Variants in MTMR12 observed in about 807,000 individuals in gnomAD.
MTMR12 encodes myotubularin related protein 12.
Under a neutral mutation model 96.7 loss-of-function variants are expected in MTMR12, and 33 were observed. The ratio of observed to expected loss-of-function variants is 0.34; its 90% CI spans 0.26 to 0.46. The LOEUF (loss-of-function observed/expected upper bound fraction) is 0.46. Among genes scored for constraint, MTMR12 ranks in the 20% least tolerant of loss-of-function variants. The pLI is 1.00. For synonymous variants in MTMR12, 298 were observed against 327.2 expected (o/e 0.91, Z 0.96); for missense variants, 721 against 896.1 (o/e 0.80, Z 2.49).
At chr5:32,297,394 T>C (rs1268844779) in intron 1 of MTMR12, among the ~76,000 whole-genome samples, 1 of 152,202 alleles carries the variant, frequency 6.6e-6, no homozygotes, top group Non-Finnish European at 1.5e-5. Flanking sequence ...AAGTAATACC[T>C]ACAAATGTTC....
chr5:32,267,161 A>C (rs1000128764), intron 6 of MTMR12, among the ~76,000 whole-genome samples: 3 of 151,716 alleles, frequency 2.0e-5, no homozygotes, highest in Non-Finnish European at 2.9e-5. Flanking sequence ...GGATCACCTG[A>C]GGTAAGGAGT....
chr5:32,242,047 T>G lies in MTMR12; in HGVS notation c.1171+10A>C. The G allele has an allele frequency of 1.2e-6, 2 of 1,602,922 alleles. No homozygotes were observed. The highest frequency in any genetic ancestry group is 1.7e-6 in the Non-Finnish European group (2 of 1,170,994). On this transcript the variant is annotated intron_variant, in intron 12 of 15. Coordinates refer to ENST00000382142, the MANE Select transcript of MTMR12 (RefSeq NM_001040446.3). The stretch of plus-strand genomic sequence containing the variant: ...AATGGAAATCATCCTTTGTGCTTCC[T>G]ATATATTACCTAAAAGAAGAACATT...
chr5:32,251,049 CCT>C (rs1478706464), intron 8 of MTMR12, among the ~76,000 whole-genome samples: 2 of 149,716 alleles, frequency 1.3e-5, no homozygotes. Flanking sequence ...TTTTAAGGTC[CCT>C]CTCTTTTTTT....
At chr5:32,303,931 T>C (rs959749843) in intron 1 of MTMR12, among the ~76,000 whole-genome samples, 1 of 151,056 alleles carries the variant, frequency 6.6e-6, no homozygotes, top group Non-Finnish European at 1.5e-5. Flanking sequence ...GGGTATTTAC[T>C]GGAAAAACTT....
intron 8 of MTMR12, among the ~76,000 whole-genome samples, chr5:32,253,539 G>T (rs986923475): frequency 6.6e-6 from 1 of 152,070 alleles, no homozygotes; most frequent in Non-Finnish European, 1.5e-5. Context: ...CTTTTTTGCT[G>T]TTCATTCACA....
chr5:32,248,746 G>A (rs763928187), intron 9 of MTMR12, 26 bp downstream of exon 9: 66 of 1,573,118 alleles, frequency 4.2e-5, no homozygotes, highest in Middle Eastern at 3.3e-4. Context: ...AACTGAACAA[G>A]AACAAAATGT....
chr5:32,247,703 C>T (rs1748746167), intron 10 of MTMR12: 2 of 967,912 alleles, frequency 2.1e-6, no homozygotes, highest in Non-Finnish European at 2.5e-6. Context: ...AGTTCAAAAA[C>T]TTTTAAAGGA....
chr5:32,238,810 T>C (rs919439918), intron 13 of MTMR12, among the ~76,000 whole-genome samples, 191 bp downstream of exon 13: 1 of 152,194 alleles, frequency 6.6e-6, no homozygotes, highest in African/African-American at 2.4e-5. Context: ...ATCTCTTTCC[T>C]CTGGGAAAGG....
chr5:32,287,007 T>C (rs1465549907), intron 1 of MTMR12, among the ~76,000 whole-genome samples: 1 of 152,182 alleles, frequency 6.6e-6, no homozygotes. Flanking sequence ...AGAAATGTGC[T>C]ATATGTTAGA....
rs193216540 is a variant in MTMR12, at chr5:32,288,831, G to A, written c.82-12089C>T. Among the ~76,000 whole-genome samples the A allele has an allele frequency of 1.3e-4, 20 of 152,310 alleles. No individual in the cohort carries two copies. In the South Asian group the frequency reaches 4.1e-3, roughly 32 times the overall value. On this transcript the variant is annotated intron_variant, in intron 1 of 15. Coordinates refer to ENST00000382142, the MANE Select transcript of MTMR12 (RefSeq NM_001040446.3). Reference sequence around the variant, plus strand: ...TCCCTTGGTTTAATGTAGAGTAAGGGATCCAAAGGCTTAGGGAGATTGGGA... The same window carrying A: ...TCCCTTGGTTTAATGTAGAGTAAGGAATCCAAAGGCTTAGGGAGATTGGGA...
intron 1 of MTMR12, among the ~76,000 whole-genome samples, chr5:32,292,071 C>T (rs1298638808): frequency 6.6e-6 from 1 of 152,182 alleles, no homozygotes; most frequent in Non-Finnish European, 1.5e-5. Context: ...GCAGTGGGTT[C>T]GTACTCATGG....
intron 10 of MTMR12, chr5:32,247,663 A>T: frequency 1.2e-6 from 1 of 836,130 alleles, no homozygotes; most frequent in Non-Finnish European, 1.4e-6. Flanking sequence ...TTTATAAATT[A>T]CTGCAAGTCA....
intron 14 of MTMR12, 52 bp downstream of exon 14, chr5:32,234,910 A>G: frequency 6.6e-7 from 1 of 1,504,778 alleles, no homozygotes; most frequent in Non-Finnish European, 9.1e-7. Flanking sequence ...ACTGCATCCT[A>G]CTTGTGAGAA....
chr5:32,277,604 C>A (rs1750106454), intron 1 of MTMR12, among the ~76,000 whole-genome samples: 2 of 151,840 alleles, frequency 1.3e-5, no homozygotes, highest in South Asian at 4.2e-4. Context: ...GAGGCTAGGG[C>A]AGGAGAAACA....
intron 7 of MTMR12, among the ~76,000 whole-genome samples, chr5:32,259,715 C>T (rs1749282174): frequency 6.6e-6 from 1 of 152,180 alleles, no homozygotes; most frequent in South Asian, 2.1e-4. Context: ...GGACACCTGA[C>T]TTAGCCTTGG....
In MTMR12 at chr5:32,235,135, T is replaced by G. The variant is rs781314812; in HGVS notation, c.1345-6A>C. ...AAAAGCAGGAACACAGGAACCTGCA[T>G]GAAAACAAGATACGTTACTTGGTGG... On this transcript the variant is annotated splice_region_variant and splice_polypyrimidine_tract_variant and intron_variant, in intron 13 of 15. Transcript: ENST00000382142. The G allele has an allele frequency of 1.9e-6, 3 of 1,610,454 alleles. No individual in the cohort carries two copies. Among genetic ancestry groups the G allele is most frequent in the Non-Finnish European group, 1.7e-6 (2 of 1,178,558 alleles).
intron 1 of MTMR12, among the ~76,000 whole-genome samples, chr5:32,281,849 G>A (rs1459570433): frequency 1.3e-5 from 2 of 150,922 alleles, no homozygotes; most frequent in Admixed American, 6.6e-5. Flanking sequence ...GCAGTGAGCT[G>A]AGATCATACC....
At chr5:32,306,336 G>A (rs1449420541) in intron 1 of MTMR12, among the ~76,000 whole-genome samples, 2 of 152,168 alleles carry the variant, frequency 1.3e-5, no homozygotes, top group Non-Finnish European at 2.9e-5. Context: ...GTTGAAAGGG[G>A]AAAATGAGAT....
intron 1 of MTMR12, among the ~76,000 whole-genome samples, chr5:32,298,123 G>A (rs573413710): frequency 2.0e-5 from 3 of 152,358 alleles, no homozygotes; most frequent in East Asian, 1.9e-4. Flanking sequence ...TGAAGGCCGC[G>A]TTCAGCAGAA....
Sources: gnomAD v4.1 joint callset for allele counts (sites outside exome capture counted in the v4.1 genomes callset) on GRCh38, gnomAD v4.1.1 for gene constraint, MANE v1.5 for transcripts, NCBI Gene and HGNC (gene_info 2026-07-23, HGNC 2026-07-21) for gene names.